The following DYNC2LI1 variants were observed in gnomAD, a reference collection of about 807,000 sequenced individuals.
DYNC2LI1 encodes dynein cytoplasmic 2 light intermediate chain 1.
DYNC2LI1 carries 45 observed loss-of-function variants against 51.9 expected under a neutral mutation model. The observed-to-expected ratio is 0.87, with a 90% CI of 0.68 to 1.11. The LOEUF is 1.11. Ranked by LOEUF, DYNC2LI1 falls within the 50% of genes most tolerant of loss-of-function variation. DYNC2LI1 has a pLI of 0.00. For synonymous variants in DYNC2LI1, 130 were observed against 137.8 expected (o/e 0.94, Z 0.40); for missense variants, 490 against 417.4 (o/e 1.17, Z -1.51).
intron 8 of DYNC2LI1, among the ~76,000 whole-genome samples, chr2:43,797,079 T>C (rs2104701127): frequency 6.6e-6 from 1 of 152,306 alleles, no homozygotes; most frequent in Middle Eastern, 3.4e-3. Context: ...ATTTATTCAT[T>C]TTTGGTATCC....
In DYNC2LI1 at chr2:43,804,898, TA is replaced by T. The variant is rs200696232; in HGVS notation, c.900+172del. Among the ~76,000 whole-genome samples, 2,912 of 144,094 alleles carry T rather than the reference TA, an allele frequency of 0.02. 55 individuals carry two copies. Among genetic ancestry groups the T allele is most frequent in the African/African-American group, 0.054 (2,143 of 39,454 alleles). 94.5% of individuals were successfully genotyped at this position (144,094 alleles called of 152,430 possible). A position where few individuals can be genotyped will look rare whatever the true frequency, so the allele number is the denominator to read the frequency against. Reference sequence around the variant, plus strand: ...AAATGTAAATAGGCACTGTGGGGGTTAAAAAAAAAAAAAGGTAAGACATGGT... The same window carrying T: ...AAATGTAAATAGGCACTGTGGGGGTTAAAAAAAAAAAAGGTAAGACATGGT... On this transcript the variant is annotated intron_variant, in intron 11 of 12. Transcript: ENST00000260605.
the DYNC2LI1 span, chr2:43,822,531 C>A: frequency 6.1e-6 from 6 of 981,844 alleles, no homozygotes; most frequent in Non-Finnish European, 7.2e-6. Context: ...TCTTCTCTGG[C>A]CCAGGCCCTG....
At chr2:43,816,247 G>T in the DYNC2LI1 span, among the ~76,000 whole-genome samples, 33 of 152,354 alleles carry the variant, frequency 2.2e-4, no homozygotes, top group South Asian at 6.8e-3. Flanking sequence ...TGGGCTGGCT[G>T]CTGAGAGGGT....
chr2:43,798,957 G>C (rs1034897681), intron 8 of DYNC2LI1, among the ~76,000 whole-genome samples: 2 of 151,588 alleles, frequency 1.3e-5, no homozygotes, highest in Admixed American at 6.6e-5. Context: ...CCTATATAGT[G>C]CAGTTGAGAA....
chr2:43,775,279 C>G (rs1406130867), intron 1 of DYNC2LI1, among the ~76,000 whole-genome samples: 1 of 152,110 alleles, frequency 6.6e-6, no homozygotes, highest in Admixed American at 6.5e-5. Context: ...AGGTAGTTTT[C>G]CCAAGTTCAC....
chr2:43,825,045 G>C, the DYNC2LI1 span: 4 of 1,612,198 alleles, frequency 2.5e-6, no homozygotes, highest in Non-Finnish European at 3.4e-6. Flanking sequence ...CGTAGTTAGT[G>C]TGTGATCACA....
the DYNC2LI1 span, among the ~76,000 whole-genome samples, chr2:43,819,576 T>A: frequency 1.3e-5 from 2 of 151,974 alleles, no homozygotes; most frequent in African/African-American, 4.8e-5. Context: ...AGAAATGAAC[T>A]AATGCATGCA....
chr2:43,809,475 A>G (rs1028193597), intron 12 of DYNC2LI1, among the ~76,000 whole-genome samples: 1 of 152,232 alleles, frequency 6.6e-6, no homozygotes, highest in African/African-American at 2.4e-5. Context: ...TGAAAGTTTA[A>G]TAAATTCATC....
At chr2:43,784,990 C>G (rs929331351) in intron 3 of DYNC2LI1, among the ~76,000 whole-genome samples, 1 of 152,118 alleles carries the variant, frequency 6.6e-6, no homozygotes, top group South Asian at 2.1e-4. Context: ...ATTTCTCTTT[C>G]TTCTCCAGTC....
At chr2:43,790,799 CTA>C (rs1217125186) in intron 5 of DYNC2LI1, among the ~76,000 whole-genome samples, 1 of 150,090 alleles carries the variant, frequency 6.7e-6, no homozygotes, top group African/African-American at 2.5e-5. Context: ...ACACTTTTCT[CTA>C]TGATTTTATT....
chr2:43,792,687 T>G, intron 5 of DYNC2LI1: 1 of 1,546,806 alleles, frequency 6.5e-7, no homozygotes, highest in Non-Finnish European at 8.7e-7. Flanking sequence ...TCCTGGCAAC[T>G]ATCATCCCTA....
At chr2:43,775,189 A>G (rs981990692) in intron 1 of DYNC2LI1, among the ~76,000 whole-genome samples, 3 of 152,200 alleles carry the variant, frequency 2.0e-5, no homozygotes, top group Non-Finnish European at 4.4e-5. Flanking sequence ...AGCCTGGGGA[A>G]TAGCACAGAG....
chr2:43,802,002 T>TA (rs1303705006), intron 10 of DYNC2LI1, among the ~76,000 whole-genome samples: 1 of 152,112 alleles, frequency 6.6e-6, no homozygotes, highest in East Asian at 1.9e-4. Flanking sequence ...CAGGTACTTT[T>TA]AAATTTTAGC....
intron 3 of DYNC2LI1, among the ~76,000 whole-genome samples, chr2:43,785,807 C>T (rs966948508): frequency 5.9e-5 from 9 of 151,580 alleles, no homozygotes; most frequent in African/African-American, 2.2e-4. Flanking sequence ...TGGTAGTTAC[C>T]AAGGACTAGG....
chr2:43,808,870 A>G (rs1666372122), intron 12 of DYNC2LI1, among the ~76,000 whole-genome samples: 1 of 152,142 alleles, frequency 6.6e-6, no homozygotes, highest in Non-Finnish European at 1.5e-5. Context: ...TTGTGCTGAG[A>G]CAGAGCAATG....
the DYNC2LI1 span, chr2:43,822,486 C>CCG: frequency 1.1e-6 from 1 of 932,966 alleles, no homozygotes; most frequent in Non-Finnish European, 1.3e-6. Context: ...AGGCCCCCCC[C>CCG]CATGCACCTG....
At chr2:43,808,810 C>T (rs1045164583) in intron 12 of DYNC2LI1, among the ~76,000 whole-genome samples, 5 of 152,222 alleles carry the variant, frequency 3.3e-5, no homozygotes, top group South Asian at 2.1e-4. Flanking sequence ...TGTGAATGAA[C>T]GCTAATTATT....
chr2:43,825,007 T>C, the DYNC2LI1 span: 2 of 1,613,758 alleles, frequency 1.2e-6, no homozygotes, highest in African/African-American at 2.7e-5. Flanking sequence ...GGATGGCAAT[T>C]TTGTCAAAGA....
At chr2:43,786,819 C>G (rs1572701830) in intron 3 of DYNC2LI1, among the ~76,000 whole-genome samples, 2 of 152,194 alleles carry the variant, frequency 1.3e-5, no homozygotes, top group East Asian at 1.9e-4. Flanking sequence ...AAGCAAGACT[C>G]CATCTCAAAA....
Sources: gnomAD v4.1 joint callset for allele counts (sites outside exome capture counted in the v4.1 genomes callset) on GRCh38, gnomAD v4.1.1 for gene constraint, MANE v1.5 for transcripts, NCBI Gene and HGNC (gene_info 2026-07-23, HGNC 2026-07-21) for gene names.